ATXN7L1: variants seen among roughly 807,000 people sequenced by gnomAD.
ATXN7L1 encodes ataxin 7 like 1, also known as ataxin-7-like protein 1.
In ATXN7L1, 15 loss-of-function variants were observed where a neutral mutation model predicts 70.8. The ratio of observed to expected loss-of-function variants is 0.21; its 90% CI spans 0.14 to 0.33. The LOEUF is 0.33. Ranked by LOEUF, ATXN7L1 falls within the 10% of genes least tolerant of loss-of-function variation. ATXN7L1 has a pLI of 1.00. For missense variants in ATXN7L1, 975 were observed against 1,097.1 expected, an observed-to-expected ratio of 0.89 and a Z score of 1.57; for synonymous variants, 440 against 445.1, an observed-to-expected ratio of 0.99 and a Z score of 0.14.
chr7:105,795,705 G>A (rs1044965465), intron 2 of ATXN7L1, among the ~76,000 whole-genome samples: 3 of 152,136 alleles, frequency 2.0e-5, no homozygotes, highest in Non-Finnish European at 2.9e-5. Flanking sequence ...GAAGGCAGTC[G>A]GACAGCCTAT....
intron 2 of ATXN7L1, among the ~76,000 whole-genome samples, chr7:105,799,715 C>T (rs1285999981): frequency 6.6e-6 from 1 of 152,138 alleles, no homozygotes; most frequent in Admixed American, 6.5e-5. Flanking sequence ...GGTAAATGTG[C>T]TCACTTCGAG....
At chr7:105,873,111 G>A (rs1487029957) in intron 2 of ATXN7L1, among the ~76,000 whole-genome samples, 5 of 152,026 alleles carry the variant, frequency 3.3e-5, no homozygotes, top group African/African-American at 4.8e-5. Context: ...CTGAGATTGC[G>A]CCACTGCACT....
At chr7:105,639,145 T>TGCCGCC (rs1032180652) in intron 6 of ATXN7L1, among the ~76,000 whole-genome samples, 20 of 152,160 alleles carry the variant, frequency 1.3e-4, no homozygotes, top group South Asian at 1.0e-3. Context: ...TTCAGGGCGC[T>TGCCGCC]GCCGCCGCCG....
At chr7:105,858,550 T>TA (rs1288335088) in intron 2 of ATXN7L1, among the ~76,000 whole-genome samples, 1 of 152,196 alleles carries the variant, frequency 6.6e-6, no homozygotes, top group African/African-American at 2.4e-5. Flanking sequence ...GTCAAAGCAT[T>TA]ACCCACAGAA....
intron 3 of ATXN7L1, among the ~76,000 whole-genome samples, chr7:105,676,976 G>A (rs1389202570): frequency 6.6e-6 from 1 of 152,222 alleles, no homozygotes; most frequent in Non-Finnish European, 1.5e-5. Flanking sequence ...GCTGTCTTGA[G>A]GCAGCATCAG....
chr7:105,713,943 G>A (rs1330922671), intron 3 of ATXN7L1, among the ~76,000 whole-genome samples: 1 of 152,216 alleles, frequency 6.6e-6, no homozygotes, highest in Non-Finnish European at 1.5e-5. Flanking sequence ...GACCTAGACA[G>A]GATCTCAAAA....
intron 2 of ATXN7L1, among the ~76,000 whole-genome samples, chr7:105,798,904 G>A (rs887997285): frequency 6.6e-6 from 1 of 152,216 alleles, no homozygotes; most frequent in Non-Finnish European, 1.5e-5. Flanking sequence ...GAGCTAAAAC[G>A]CTGTATTAAG....
chr7:105,831,716 T>C (rs1372587168), intron 2 of ATXN7L1, among the ~76,000 whole-genome samples: 2 of 152,142 alleles, frequency 1.3e-5, no homozygotes, highest in South Asian at 2.1e-4. Context: ...TGCAGAGCAG[T>C]TGGATAAATG....
chr7:105,739,727 T>A (rs1797796155), intron 3 of ATXN7L1, among the ~76,000 whole-genome samples: 1 of 152,214 alleles, frequency 6.6e-6, no homozygotes, highest in African/African-American at 2.4e-5. Context: ...GAATTATAAT[T>A]CCCAGCACTG....
chr7:105,620,921 C>T (rs1254277233), intron 8 of ATXN7L1, among the ~76,000 whole-genome samples: 1 of 150,192 alleles, frequency 6.7e-6, no homozygotes, highest in Non-Finnish European at 1.5e-5. Flanking sequence ...GAAACAACAA[C>T]CAACACCCAG....
At chr7:105,743,975 G>A (rs182940890) in intron 3 of ATXN7L1, among the ~76,000 whole-genome samples, 12 of 152,272 alleles carry the variant, frequency 7.9e-5, no homozygotes, top group South Asian at 4.1e-4. Context: ...GACTGATTGC[G>A]GAGAAAACCC....
intron 2 of ATXN7L1, among the ~76,000 whole-genome samples, chr7:105,872,842 A>C (rs974708008): frequency 1.3e-4 from 19 of 148,834 alleles, no homozygotes; most frequent in East Asian, 5.9e-4. Context: ...TTTTACCACA[A>C]AAAAAAAAAA....
At chr7:105,831,978 C>T (rs1200909098) in intron 2 of ATXN7L1, among the ~76,000 whole-genome samples, 1 of 152,114 alleles carries the variant, frequency 6.6e-6, no homozygotes, top group Non-Finnish European at 1.5e-5. Context: ...GCAGGTCATT[C>T]AGCTGTGAGT....
intron 3 of ATXN7L1, chr7:105,679,295 A>G (rs1404581925): frequency 3.4e-6 from 1 of 298,252 alleles, no homozygotes; most frequent in Non-Finnish European, 4.9e-6. Context: ...AACCACACAC[A>G]CAAGGTGTGG....
chr7:105,825,776 C>G (rs918959972), intron 2 of ATXN7L1, among the ~76,000 whole-genome samples: 1 of 152,094 alleles, frequency 6.6e-6, no homozygotes, highest in Non-Finnish European at 1.5e-5. Flanking sequence ...TTCCACTACT[C>G]ACATCTGAAA....
At chr7:105,747,851 T>C (rs1324835280) in intron 3 of ATXN7L1, among the ~76,000 whole-genome samples, 1 of 149,944 alleles carries the variant, frequency 6.7e-6, no homozygotes, top group African/African-American at 2.5e-5. Flanking sequence ...CCGGGTGTGG[T>C]GGCTCACACC....
intron 2 of ATXN7L1, among the ~76,000 whole-genome samples, chr7:105,844,211 A>G (rs1447535468): frequency 6.6e-6 from 1 of 152,156 alleles, no homozygotes; most frequent in Non-Finnish European, 1.5e-5. Context: ...GCCATATTCT[A>G]TTGGTCAAGA....
chr7:105,816,562 C>A (rs1809226214), intron 2 of ATXN7L1, among the ~76,000 whole-genome samples: 1 of 152,176 alleles, frequency 6.6e-6, no homozygotes, highest in Admixed American at 6.5e-5. Flanking sequence ...AGCACTCTTG[C>A]AATGCTCCTT....
At chr7:105,814,247 G>T (rs571658451) in intron 2 of ATXN7L1, among the ~76,000 whole-genome samples, 1 of 152,160 alleles carries the variant, frequency 6.6e-6, no homozygotes, top group African/African-American at 2.4e-5. Flanking sequence ...ATGGCCCCCT[G>T]AAATTGACTT....
Sources: allele counts gnomAD v4.1 joint callset (sites outside exome capture counted in the v4.1 genomes callset), GRCh38; gene constraint gnomAD v4.1.1; transcripts MANE v1.5; gene names NCBI Gene and HGNC (gene_info 2026-07-23, HGNC 2026-07-21).